The following CTSK variants were observed in gnomAD, a reference collection of about 807,000 sequenced individuals.
CTSK encodes the protein cathepsin K, also known as cathepsin O.
A neutral mutation model predicts 40.5 loss-of-function variants in CTSK; 26 were observed. The ratio of observed to expected loss-of-function variants is 0.64; its 90% CI spans 0.47 to 0.89. The LOEUF (loss-of-function observed/expected upper bound fraction) is 0.89. Among genes scored for constraint, CTSK ranks in the 40% least tolerant of loss-of-function variants. The probability of loss-of-function intolerance (pLI) is 0.00; values close to 1 mark genes in which losing one functional copy is unlikely to be tolerated. For synonymous variants in CTSK, 132 were observed against 143.2 expected (o/e 0.92, Z 0.56); for missense variants, 292 against 400.1 (o/e 0.73, Z 2.30).
At chr1:150,797,478 G>C (rs1653897715) in intron 7 of CTSK, among the ~76,000 whole-genome samples, 1 of 152,208 alleles carries the variant, frequency 6.6e-6, no homozygotes, top group African/African-American at 2.4e-5. Flanking sequence ...GAAAGAGGCT[G>C]AAGCTGGTGA....
At chr1:150,806,549 A>C in intron 2 of CTSK, 137 bp downstream of exon 2, 1 of 1,108,428 alleles carries the variant, frequency 9.0e-7, no homozygotes, top group Non-Finnish European at 1.4e-6. Context: ...TGAAAACCGT[A>C]TGTTAACATG....
At position 150,804,063 on chromosome 1, in the gene CTSK, G is replaced by A. The variant is rs1258706790; in HGVS notation, c.576C>T (p.Asn192=). ...MTNAFQYVQK[N]RGIDSEDAYP... is the part of the protein sequence containing the mutation. ...AGGCATCTTCAGAGTCAATACCCCGGTTCTTCTGCACATATTGGAAGGCAT... is the reference window on the plus strand; with the variant it reads ...AGGCATCTTCAGAGTCAATACCCCGATTCTTCTGCACATATTGGAAGGCAT... The change falls in exon 5 of 8, where the codon AAC becomes AAT. Residue 192 remains asparagine, a synonymous_variant. Transcript: ENST00000271651. 1.2e-6 allele frequency: 2 copies of A among 1,614,038 alleles called. No individual in the cohort carries two copies. Among genetic ancestry groups the A allele is most frequent in the Non-Finnish European group, 1.7e-6 (2 of 1,180,026 alleles).
intron 4 of CTSK, among the ~76,000 whole-genome samples, chr1:150,805,531 C>T (rs1297064915): frequency 1.4e-5 from 2 of 147,926 alleles, no homozygotes; most frequent in African/African-American, 5.0e-5. Context: ...CTCAGCTACT[C>T]AGGAGGCTGA....
At chr1:150,800,003 T>C (rs966154352) in intron 5 of CTSK, among the ~76,000 whole-genome samples, 3 of 152,012 alleles carry the variant, frequency 2.0e-5, no homozygotes, top group Non-Finnish European at 4.4e-5. Flanking sequence ...GAGACCATCC[T>C]GGCTAACACA....
At position 150,804,215 on chromosome 1, in the gene CTSK, A is replaced by G. The variant is rs1328740486; in HGVS notation, c.424T>C (p.Phe142Leu). 6.2e-7 allele frequency: 1 copy of G among 1,614,056 alleles called. No individual in the cohort carries two copies. Among genetic ancestry groups the G allele is most frequent in the Non-Finnish European group, 8.5e-7 (1 of 1,180,020 alleles). The change falls in exon 5 of 8, where the codon TTT becomes CTT. Residue 142 changes from phenylalanine to leucine, a missense_variant. Phe to Leu is a conservative substitution (Grantham distance 22). Coordinates refer to ENST00000271651, the MANE Select transcript of CTSK (RefSeq NM_000396.4). ...NQGQCGSCWA[F>L]SSVGALEGQL... ...CCCTCCAGGGCACCCACAGAGCTAA[A>G]AGCCCAACAGGAACCACACTGACCC...
chr1:150,798,207 T>C (rs1653911280), intron 7 of CTSK, among the ~76,000 whole-genome samples: 2 of 152,240 alleles, frequency 1.3e-5, no homozygotes, highest in Admixed American at 1.3e-4. Context: ...CTAACTTTTT[T>C]TGTTTATATC....
chr1:150,799,228 G>T lies in CTSK; in HGVS notation c.830C>A (p.Ala277Glu), dbSNP rs74315304. ...ESCNSDNLNH[A>E]VLAVGYGIQK... ...GATTCCATATCCCACTGCCAAAACT[G>T]CATGGTTCAGATTATCGCTATTGCA... Residue 277 changes from alanine to glutamate, a missense_variant, in exon 7 of 8, where the codon GCA becomes GAA. Coordinates refer to ENST00000271651, the MANE Select transcript of CTSK (RefSeq NM_000396.4). 1.2e-6 allele frequency: 2 copies of T among 1,612,690 alleles called. No homozygotes were observed. The highest frequency in any genetic ancestry group is 1.1e-5 in the South Asian group (1 of 91,044).
In CTSK at chr1:150,804,144, C is replaced by T. The variant is rs200143154; in HGVS notation, c.495G>A (p.Gln165=). The change falls in exon 5 of 8, where the codon CAG becomes CAA. Residue 165 remains glutamine (Q), a synonymous_variant. Coordinates refer to ENST00000271651, the MANE Select transcript of CTSK (RefSeq NM_000396.4). ...TCTCAGACACACAATCCACTAGGTT[C>T]TGGGGACTCAGATTTAAGAGTTTGC... ...KTGKLLNLSP[Q]NLVDCVSEND... is the part of the protein sequence containing the mutation. The T allele has an allele frequency of 1.9e-6, 3 of 1,614,184 alleles. No individual in the cohort carries two copies. The South Asian group carries it at 3.3e-5, about 18-fold the overall frequency.
At chr1:150,806,644 G>GTCTC in intron 2 of CTSK, 42 bp downstream of exon 2, 1 of 1,612,522 alleles carries the variant, frequency 6.2e-7, no homozygotes, top group Non-Finnish European at 8.5e-7. Flanking sequence ...GAGAGCTCAG[G>GTCTC]TCTCAGCCTT....
intron 7 of CTSK, 45 bp downstream of exon 7, chr1:150,799,123 G>A: frequency 7.7e-7 from 1 of 1,291,352 alleles, no homozygotes; most frequent in Non-Finnish European, 1.1e-6. Context: ...GAGGTTGAGT[G>A]TTAAAAGGGT....
intron 6 of CTSK, 48 bp from the exon 7 acceptor site, chr1:150,799,321 C>T: frequency 7.0e-7 from 1 of 1,428,882 alleles, no homozygotes; most frequent in South Asian, 1.1e-5. Context: ...CCAAGGGTCA[C>T]CCTGTGGGAT....
At chr1:150,799,063 A>C (rs1264880005) in intron 7 of CTSK, 105 bp downstream of exon 7, 1 of 808,140 alleles carries the variant, frequency 1.2e-6, no homozygotes, top group Non-Finnish European at 2.2e-6. Context: ...ACTCTGAGAT[A>C]ATTTTTTCTT....
chr1:150,806,744 A>G lies in CTSK; in HGVS notation c.62T>C (p.Ile21Thr), dbSNP rs1231148306. The G allele has an allele frequency of 6.2e-7, 1 of 1,614,106 alleles. No individual in the cohort carries two copies. The highest frequency in any genetic ancestry group is 2.2e-5 in the East Asian group (1 of 44,882). The change falls in exon 2 of 8, where the codon ATA (isoleucine) becomes ACA (threonine). Residue 21 changes from isoleucine to threonine, a missense_variant. Physicochemically the swap from Ile to Thr is moderately conservative, Grantham distance 89. Coordinates refer to ENST00000271651, the MANE Select transcript of CTSK (RefSeq NM_000396.4). The stretch of plus-strand genomic sequence containing the variant: ...CCATAGCTCCCAGTGGGTGTCCAGT[A>G]TCTCCTCAGGGTACAGAGCAAAGCT... ...VVSFALYPEEILDTHWELWKK... is the reference protein window; with the variant it reads ...VVSFALYPEETLDTHWELWKK...
At chr1:150,798,268 C>A (rs1003936437) in intron 7 of CTSK, among the ~76,000 whole-genome samples, 1 of 152,012 alleles carries the variant, frequency 6.6e-6, no homozygotes, top group African/African-American at 2.4e-5. Flanking sequence ...TTCTTATATA[C>A]GTGTATCTTA....
At chr1:150,807,028 G>A (rs1391972128) in intron 1 of CTSK, among the ~76,000 whole-genome samples, 1 of 74,468 alleles carries the variant, frequency 1.3e-5, no homozygotes, top group East Asian at 4.5e-4. Flanking sequence ...TCTCTCTCGG[G>A]AGATTTAGGC....
chr1:150,807,078 TCTCACACACACACACACA>T (rs1333656609), intron 1 of CTSK, among the ~76,000 whole-genome samples: 31 of 120,596 alleles, frequency 2.6e-4, no homozygotes, highest in East Asian at 9.6e-4. Flanking sequence ...TCTCTCTCTC[TCTCACACACACACACACA>T]CACACACACA....
In CTSK at chr1:150,806,135, T is replaced by C; in HGVS notation, c.210A>G (p.Thr70=). ...CCAGGTGGTTCATAGCCAGTTCATA[T>C]GTATGGACACCAAGAGAAGCCTCAA... ...HNLEASLGVH[T]YELAMNHLGD... Residue 70 remains threonine, a synonymous_variant, in exon 3 of 8, where the codon ACA becomes ACG. Transcript: ENST00000271651. The C allele has an allele frequency of 4.3e-6, 7 of 1,614,202 alleles. No individual in the cohort carries two copies. Among genetic ancestry groups the C allele is most frequent in the East Asian group, 4.5e-5 (2 of 44,890 alleles).
intron 7 of CTSK, among the ~76,000 whole-genome samples, chr1:150,798,479 T>G (rs928069038): frequency 8.5e-5 from 13 of 152,332 alleles, no homozygotes; most frequent in African/African-American, 3.1e-4. Flanking sequence ...GTCTGTCTTA[T>G]TGGGCTCTGA....
chr1:150,805,617 C>A (rs1350831127), intron 4 of CTSK, among the ~76,000 whole-genome samples: 2 of 116,592 alleles, frequency 1.7e-5, no homozygotes, highest in Non-Finnish European at 3.2e-5. Context: ...CCATCCTGGG[C>A]GACAGAGTGA....
Sources: allele counts gnomAD v4.1 joint callset (sites outside exome capture counted in the v4.1 genomes callset), GRCh38; gene constraint gnomAD v4.1.1; transcripts MANE v1.5; gene names NCBI Gene and HGNC (gene_info 2026-07-23, HGNC 2026-07-21).